RPS6KA2: variants seen among roughly 807,000 people sequenced by gnomAD.
RPS6KA2 encodes the protein ribosomal protein S6 kinase alpha-2.
A neutral mutation model predicts 91.8 loss-of-function variants in RPS6KA2; 42 were observed. That is an observed-to-expected ratio of 0.46 (90% CI 0.36 to 0.59). RPS6KA2 has a LOEUF of 0.59. Among genes scored for constraint, RPS6KA2 ranks in the 20% least tolerant of loss-of-function variants. RPS6KA2 has a pLI of 0.00. For synonymous variants in RPS6KA2, 414 were observed against 393.6 expected, an observed-to-expected ratio of 1.05 and a Z score of -0.61; for missense variants, 798 against 978.5, an observed-to-expected ratio of 0.82 and a Z score of 2.46.
At chr6:166,672,366 C>A (rs1414549918) in intron 2 of RPS6KA2, among the ~76,000 whole-genome samples, 1 of 152,144 alleles carries the variant, frequency 6.6e-6, no homozygotes, top group East Asian at 1.9e-4. Flanking sequence ...AGATTCACAG[C>A]AGATAACAAG....
intron 2 of RPS6KA2, among the ~76,000 whole-genome samples, chr6:166,768,007 T>C (rs1778367353): frequency 6.6e-6 from 1 of 152,246 alleles, no homozygotes; most frequent in South Asian, 2.1e-4. Context: ...TGCTCACATT[T>C]CTGTCCTTCC....
intron 2 of RPS6KA2, among the ~76,000 whole-genome samples, chr6:166,768,372 C>G (rs1583097480): frequency 6.6e-6 from 1 of 152,172 alleles, no homozygotes; most frequent in East Asian, 1.9e-4. Flanking sequence ...AAACTAGAGG[C>G]ACCTTGCAGG....
chr6:166,592,528 G>A (rs1785387174), intron 1 of RPS6KA2, among the ~76,000 whole-genome samples: 1 of 152,178 alleles, frequency 6.6e-6, no homozygotes, highest in Admixed American at 6.5e-5. Context: ...CAGAGTCAGT[G>A]TTGGTGACCA....
chr6:166,550,057 T>A (rs1783947665), intron 1 of RPS6KA2, among the ~76,000 whole-genome samples: 1 of 152,238 alleles, frequency 6.6e-6, no homozygotes, highest in Non-Finnish European at 1.5e-5. Flanking sequence ...AAACGTCATG[T>A]ATATGATGAT....
intron 2 of RPS6KA2, among the ~76,000 whole-genome samples, chr6:166,735,643 A>G (rs1485142291): frequency 6.6e-6 from 1 of 150,848 alleles, no homozygotes; most frequent in Non-Finnish European, 1.5e-5. Flanking sequence ...GGAGCATGCA[A>G]CCTAGATCCC....
chr6:166,607,081 G>A (rs145889590), intron 1 of RPS6KA2, among the ~76,000 whole-genome samples: 1,897 of 149,300 alleles, frequency 0.013, 34 homozygotes, highest in African/African-American at 0.044. Context: ...TGCAGAGGTT[G>A]CAGTGAGCCG....
At chr6:166,602,275 C>T (rs1430696114) in intron 1 of RPS6KA2, among the ~76,000 whole-genome samples, 4 of 152,178 alleles carry the variant, frequency 2.6e-5, no homozygotes, top group South Asian at 2.1e-4. Flanking sequence ...TCTTATACGA[C>T]GACTTTGGAG....
chr6:166,750,448 A>T (rs1449586175), intron 2 of RPS6KA2, among the ~76,000 whole-genome samples: 1 of 152,116 alleles, frequency 6.6e-6, no homozygotes, highest in Admixed American at 6.5e-5. Flanking sequence ...CTCCTCAGAC[A>T]CACGCCTTTC....
chr6:166,624,492 T>A (rs140954304), intron 1 of RPS6KA2, among the ~76,000 whole-genome samples: 4 of 152,270 alleles, frequency 2.6e-5, no homozygotes, highest in African/African-American at 9.6e-5. Flanking sequence ...GGCAGCCTTC[T>A]CAAGTATGGG....
chr6:166,711,689 A>G (rs1789858599), intron 2 of RPS6KA2, among the ~76,000 whole-genome samples: 1 of 152,116 alleles, frequency 6.6e-6, no homozygotes, highest in Admixed American at 6.6e-5. Flanking sequence ...GAAGCAACAG[A>G]TGTTCTCACC....
chr6:166,811,793 C>A (rs181195006), intron 2 of RPS6KA2, among the ~76,000 whole-genome samples: 2 of 152,234 alleles, frequency 1.3e-5, no homozygotes, highest in Non-Finnish European at 2.9e-5. Context: ...GGTGAACCAC[C>A]CATTCTTCTT....
At chr6:166,451,008 C>T (rs1779893296) in intron 13 of RPS6KA2, 95 bp downstream of exon 13, 5 of 1,497,070 alleles carry the variant, frequency 3.3e-6, no homozygotes, top group Non-Finnish European at 1.8e-6. Context: ...CCTAAGCACC[C>T]AACCCCCGGG....
At chr6:166,848,325 T>C (rs1780657093) in intron 2 of RPS6KA2, among the ~76,000 whole-genome samples, 1 of 152,212 alleles carries the variant, frequency 6.6e-6, no homozygotes, top group African/African-American at 2.4e-5. Context: ...GTATAACTAG[T>C]ACAACCACTA....
chr6:166,676,355 T>G (rs1189422919), intron 2 of RPS6KA2, among the ~76,000 whole-genome samples: 1 of 149,816 alleles, frequency 6.7e-6, no homozygotes, highest in Non-Finnish European at 1.5e-5. Flanking sequence ...AGGTGCAGCC[T>G]GCACAACTGC....
chr6:166,673,846 T>C (rs1788547495), intron 2 of RPS6KA2, among the ~76,000 whole-genome samples: 1 of 152,244 alleles, frequency 6.6e-6, no homozygotes, highest in Admixed American at 6.5e-5. Flanking sequence ...TGCCAAAGCA[T>C]CCAAAATTTC....
At chr6:166,548,122 G>T (rs1345953085) in intron 1 of RPS6KA2, among the ~76,000 whole-genome samples, 1 of 152,176 alleles carries the variant, frequency 6.6e-6, no homozygotes, top group African/African-American at 2.4e-5. Flanking sequence ...ACTCCAAAAA[G>T]ATGAAATACT....
chr6:166,823,757 C>T (rs762930569), intron 2 of RPS6KA2, among the ~76,000 whole-genome samples: 8 of 152,138 alleles, frequency 5.3e-5, no homozygotes, highest in Non-Finnish European at 7.3e-5. Context: ...GGAGAGGAAT[C>T]GGACATGGCC....
intron 2 of RPS6KA2, among the ~76,000 whole-genome samples, chr6:166,736,841 T>C (rs1790683542): frequency 6.6e-6 from 1 of 152,224 alleles, no homozygotes; most frequent in East Asian, 1.9e-4. Context: ...GAAGCCTTTC[T>C]CTTCCAGTTG....
chr6:166,746,970 G>A (rs1791032594), intron 2 of RPS6KA2, among the ~76,000 whole-genome samples: 1 of 152,250 alleles, frequency 6.6e-6, no homozygotes, highest in Non-Finnish European at 1.5e-5. Flanking sequence ...GAAGCATGGG[G>A]AAGGGTGTGG....
Sources: gnomAD v4.1 joint callset for allele counts (sites outside exome capture counted in the v4.1 genomes callset) on GRCh38, gnomAD v4.1.1 for gene constraint, MANE v1.5 for transcripts, NCBI Gene and HGNC (gene_info 2026-07-23, HGNC 2026-07-21) for gene names.